The following NEDD4L variants were observed in gnomAD, a reference collection of about 807,000 sequenced individuals.
NEDD4L encodes E3 ubiquitin-protein ligase NEDD4-like.
Under a neutral mutation model 148.9 loss-of-function variants are expected in NEDD4L, and 54 were observed. That is an observed-to-expected ratio of 0.36 (90% CI 0.29 to 0.45). The LOEUF (loss-of-function observed/expected upper bound fraction) is 0.45, where lower values mean the gene tolerates loss of function less well. NEDD4L is among the 20% of genes least tolerant of loss of function. The pLI is 1.00. For missense variants in NEDD4L, 856 were observed against 1,233.8 expected, an observed-to-expected ratio of 0.69 and a Z score of 4.59; for synonymous variants, 433 against 440.7, an observed-to-expected ratio of 0.98 and a Z score of 0.22.
chr18:58,184,494 C>G (rs1038888559), intron 2 of NEDD4L, among the ~76,000 whole-genome samples: 10 of 152,028 alleles, frequency 6.6e-5, no homozygotes, highest in African/African-American at 2.4e-4. Context: ...GATTATTATC[C>G]TACCTCCTAA....
intron 1 of NEDD4L, among the ~76,000 whole-genome samples, chr18:58,109,758 C>T (rs1464443993): frequency 1.3e-5 from 2 of 151,764 alleles, no homozygotes; most frequent in African/African-American, 4.8e-5. Flanking sequence ...TTAGTAGAGA[C>T]GGGGTTTCGC....
At chr18:58,162,958 G>A (rs1455852324) in intron 1 of NEDD4L, among the ~76,000 whole-genome samples, 1 of 152,018 alleles carries the variant, frequency 6.6e-6, no homozygotes, top group Non-Finnish European at 1.5e-5. Flanking sequence ...CAGCTACTTG[G>A]GAGGCTGACG....
At chr18:58,282,837 G>T (rs954289510) in intron 5 of NEDD4L, among the ~76,000 whole-genome samples, 1 of 152,096 alleles carries the variant, frequency 6.6e-6, no homozygotes, top group Non-Finnish European at 1.5e-5. Context: ...TCAAGGATAG[G>T]CTAGATCATG....
chr18:58,072,866 GCGCGCGCACA>G (rs201896963), intron 1 of NEDD4L, among the ~76,000 whole-genome samples: 3,439 of 118,872 alleles, frequency 0.029, 143 homozygotes, highest in African/African-American at 0.13. Flanking sequence ...AGGCGCGCGC[GCGCGCGCACA>G]CACACACACA....
At chr18:58,113,311 T>A (rs975343878) in intron 1 of NEDD4L, among the ~76,000 whole-genome samples, 6 of 152,124 alleles carry the variant, frequency 3.9e-5, no homozygotes, top group African/African-American at 1.4e-4. Flanking sequence ...CTTCATGGAG[T>A]CTATGGTCTA....
At chr18:58,246,989 T>C (rs2047340109) in intron 3 of NEDD4L, among the ~76,000 whole-genome samples, 1 of 152,042 alleles carries the variant, frequency 6.6e-6, no homozygotes, top group African/African-American at 2.4e-5. Context: ...CAGTGAGCCA[T>C]AATGATGCCA....
chr18:58,367,222 T>C (rs1218490035), intron 21 of NEDD4L: 1 of 152,492 alleles, frequency 6.6e-6, no homozygotes, highest in African/African-American at 2.4e-5. Flanking sequence ...TCTAAAAATT[T>C]GCAGGTTTGC....
At chr18:58,388,401 T>G (rs1435795683) in intron 27 of NEDD4L, 1 of 152,250 alleles carries the variant, frequency 6.6e-6, no homozygotes, top group African/African-American at 2.4e-5. Flanking sequence ...CCAGCAAGGT[T>G]TTGGCACGGT....
intron 18 of NEDD4L, among the ~76,000 whole-genome samples, chr18:58,352,658 A>G (rs1374072578): frequency 6.6e-6 from 1 of 152,060 alleles, no homozygotes; most frequent in Non-Finnish European, 1.5e-5. Flanking sequence ...GGCTGTCTCA[A>G]AAAAAAAGAA....
chr18:58,109,822 C>T (rs929152131), intron 1 of NEDD4L, among the ~76,000 whole-genome samples: 1 of 152,076 alleles, frequency 6.6e-6, no homozygotes, highest in Non-Finnish European at 1.5e-5. Context: ...CCTGCCTTGG[C>T]CTCCCAAAGT....
At chr18:58,184,712 T>G (rs979880249) in intron 2 of NEDD4L, among the ~76,000 whole-genome samples, 4 of 152,012 alleles carry the variant, frequency 2.6e-5, no homozygotes, top group Non-Finnish European at 5.9e-5. Flanking sequence ...GCGGATCACG[T>G]GGTCAGGAGA....
intron 1 of NEDD4L, among the ~76,000 whole-genome samples, chr18:58,148,343 T>G (rs2034327524): frequency 6.6e-6 from 1 of 151,968 alleles, no homozygotes; most frequent in South Asian, 2.1e-4. Context: ...TTTTATATTT[T>G]TTAGTAGAGA....
rs562152945 is a variant in NEDD4L, at chr18:58,062,476, G to A, written c.48+17768G>A. 3.3e-5 allele frequency among the ~76,000 whole-genome samples: 5 copies of A among 152,296 alleles called. No homozygotes were observed. In the East Asian group the frequency reaches 9.6e-4, roughly 29 times the overall value. Reference sequence around the variant, plus strand: ...TGTGAGAAATAAATACTGAGTTTATGTTTTAATTATGGCACAGATTAATAC... The same window carrying A: ...TGTGAGAAATAAATACTGAGTTTATATTTTAATTATGGCACAGATTAATAC... On this transcript the variant is annotated intron_variant, in intron 1 of 30. Transcript: ENST00000400345.
intron 1 of NEDD4L, among the ~76,000 whole-genome samples, chr18:58,092,904 A>G (rs1328262009): frequency 7.5e-6 from 1 of 133,532 alleles, no homozygotes; most frequent in Non-Finnish European, 1.5e-5. Context: ...TCTGTCCCCC[A>G]GGCTGGAGTG....
chr18:58,376,636 C>G (rs1379356534), intron 24 of NEDD4L, among the ~76,000 whole-genome samples: 2 of 152,186 alleles, frequency 1.3e-5, no homozygotes, highest in Non-Finnish European at 2.9e-5. Context: ...ATCTTCCCCA[C>G]TAGACCCCCG....
rs1042399111 is a variant in NEDD4L at position 58,367,935 on chromosome 18, G to A, written c.2185+68G>A. 2.3e-5 allele frequency: 36 copies of A among 1,541,612 alleles called. No individual in the cohort carries two copies. In the African/African-American group the frequency reaches 2.5e-4, roughly 11 times the overall value. ...TTTGCTAGTAGGTGTCTTATCTTTC[G>A]CATCATGGGTTTTTAAGCAAAAGCT... On this transcript the variant is annotated intron_variant, in intron 22 of 30. Transcript: ENST00000400345.
intron 24 of NEDD4L, among the ~76,000 whole-genome samples, chr18:58,378,150 C>T (rs867646469): frequency 6.6e-6 from 1 of 152,016 alleles, no homozygotes; most frequent in Admixed American, 6.5e-5. Flanking sequence ...AGGATCGGGT[C>T]GAGCCAGTCT....
intron 13 of NEDD4L, among the ~76,000 whole-genome samples, chr18:58,336,584 A>T (rs2041807362): frequency 6.6e-6 from 1 of 152,170 alleles, no homozygotes; most frequent in Non-Finnish European, 1.5e-5. Context: ...CTCAAAAAAA[A>T]AAAAAGAATT....
chr18:58,067,719 C>T (rs1399866614), intron 1 of NEDD4L, among the ~76,000 whole-genome samples: 3 of 152,160 alleles, frequency 2.0e-5, no homozygotes, highest in South Asian at 2.1e-4. Context: ...CAGTGGAACA[C>T]TTGAGGAGTG....
Sources: gnomAD v4.1 joint callset for allele counts (sites outside exome capture counted in the v4.1 genomes callset) on GRCh38, gnomAD v4.1.1 for gene constraint, MANE v1.5 for transcripts, NCBI Gene and HGNC (gene_info 2026-07-23, HGNC 2026-07-21) for gene names.